Variants in SEC14L2 observed in about 807,000 individuals in gnomAD.
SEC14L2 encodes the protein SEC14-like protein 2.
Under a neutral mutation model 56.9 loss-of-function variants are expected in SEC14L2, and 50 were observed. The observed-to-expected ratio is 0.88, with a 90% CI of 0.70 to 1.11. The LOEUF (loss-of-function observed/expected upper bound fraction) is 1.11, where lower values mean the gene tolerates loss of function less well. Ranked by LOEUF, SEC14L2 falls within the 50% of genes most tolerant of loss-of-function variation. The pLI is 0.00. For missense variants in SEC14L2, 414 were observed against 500.7 expected (o/e 0.83, Z 1.65); for synonymous variants, 179 against 188.5 (o/e 0.95, Z 0.41).
intron 1 of SEC14L2, chr22:30,398,503 G>A (rs867668337): frequency 5.6e-6 from 2 of 356,354 alleles, no homozygotes; most frequent in South Asian, 2.1e-5. Flanking sequence ...GGGCCTGTTC[G>A]CCTACCAGGG....
At chr22:30,398,847 G>A in intron 1 of SEC14L2, 1 of 465,074 alleles carries the variant, frequency 2.2e-6, no homozygotes, top group Non-Finnish European at 4.5e-6. Context: ...CTAATGACTA[G>A]CTGTTTGACC....
Position 30,397,113 on chromosome 22 carries a change from C to T in SEC14L2, c.-4C>T, listed in dbSNP as rs1933771637. ...CCAAACCCCATCCCCGCGGTTGAGC[C>T]ACGATGAGCGGCAGAGTCGGCGATC... On this transcript the variant is annotated 5_prime_UTR_variant, in exon 1 of 12. Coordinates refer to ENST00000615189, the MANE Select transcript of SEC14L2 (RefSeq NM_012429.5). 1 of 1,548,398 alleles carries T rather than the reference C, an allele frequency of 6.5e-7. No homozygotes were observed. Among genetic ancestry groups the T allele is most frequent in the African/African-American group, 1.4e-5 (1 of 72,652 alleles).
intron 1 of SEC14L2, 98 bp downstream of exon 1, chr22:30,397,268 C>T (rs575842119): frequency 3.7e-5 from 42 of 1,146,678 alleles, no homozygotes; most frequent in Middle Eastern, 3.0e-4. Context: ...GCCGAGGGTC[C>T]GTGGCGGGCG....
chr22:30,407,685 A>G, intron 5 of SEC14L2, 82 bp downstream of exon 5: 1 of 1,338,484 alleles, frequency 7.5e-7, no homozygotes, highest in Admixed American at 2.0e-5. Context: ...ACAGGAATAT[A>G]AGCACAGCTT....
chr22:30,406,971 T>C, intron 3 of SEC14L2, 124 bp from the exon 4 acceptor site: 1 of 840,210 alleles, frequency 1.2e-6, no homozygotes, highest in Non-Finnish European at 1.9e-6. Flanking sequence ...AGGCTGGTCT[T>C]GAACTCCTGG....
At chr22:30,411,518 G>A (rs2146028523) in intron 8 of SEC14L2, among the ~76,000 whole-genome samples, 1 of 152,112 alleles carries the variant, frequency 6.6e-6, no homozygotes, top group African/African-American at 2.4e-5. Flanking sequence ...GGCCGAGGTA[G>A]GCGGATCGCT....
intron 1 of SEC14L2, chr22:30,397,757 C>A (rs1316553184): frequency 1.4e-5 from 6 of 433,842 alleles, no homozygotes; most frequent in South Asian, 9.9e-5. Context: ...AGGCTCCCCC[C>A]ATGAGGCACT....
In SEC14L2 at chr22:30,399,707, G is replaced by A. The variant is rs766188495; in HGVS notation, c.119G>A (p.Arg40His). 17 of 1,613,452 alleles carry A rather than the reference G, an allele frequency of 1.1e-5. No homozygotes were observed. Among genetic ancestry groups the A allele is most frequent in the East Asian group, 4.5e-5 (2 of 44,872 alleles). The change falls in exon 2 of 12, where the codon CGT (arginine) becomes CAT (histidine). Residue 40 changes from arginine (R) to histidine (H), a missense_variant. By Grantham distance (29) the Arg-to-His change is conservative (BLOSUM62 0). Transcript: ENST00000615189. ...LPNPDDYFLLRWLRARSFDLQ... is the reference protein window; with the variant it reads ...LPNPDDYFLLHWLRARSFDLQ... ...AATCCAGATGACTATTTTCTCCTGC[G>A]TTGGCTCCGAGGTGAGGGAAGAGGG...
chr22:30,408,584 C>T (rs945452892), intron 5 of SEC14L2, among the ~76,000 whole-genome samples: 3 of 151,222 alleles, frequency 2.0e-5, no homozygotes, highest in African/African-American at 7.3e-5. Flanking sequence ...GACCCTGCGC[C>T]AAAAAAAATA....
At position 30,424,580 on chromosome 22, in the gene SEC14L2, A is replaced by C. The variant is rs1934617880; in HGVS notation, c.*2173A>C. On this transcript the variant is annotated 3_prime_UTR_variant, in exon 12 of 12. Transcript: ENST00000615189. Reference sequence around the variant, plus strand: ...ACTATTACACTTTGGGTTGTTGCAAAGATTAAAGGAAATAAGCCGTGCAAA... The same window carrying C: ...ACTATTACACTTTGGGTTGTTGCAACGATTAAAGGAAATAAGCCGTGCAAA... The C allele has an allele frequency of 2.6e-6, 1 of 381,944 alleles. No individual in the cohort carries two copies. The highest frequency in any genetic ancestry group is 5.2e-6 in the Non-Finnish European group (1 of 193,516). The allele number at this position is 381,944 out of a possible 1,614,324, so 23.7% of individuals were successfully genotyped here.
chr22:30,411,486 C>T (rs1276654336), intron 8 of SEC14L2, among the ~76,000 whole-genome samples: 5 of 152,048 alleles, frequency 3.3e-5, no homozygotes, highest in African/African-American at 1.2e-4. Context: ...TGGCTCATGC[C>T]TGTAATCCCA....
In SEC14L2 at chr22:30,422,466, T is replaced by G; in HGVS notation, c.*59T>G. On this transcript the variant is annotated 3_prime_UTR_variant, in exon 12 of 12. Transcript: ENST00000615189. The stretch of plus-strand genomic sequence containing the variant: ...TGTCTCCCTGTCAATTTCTACCCCT[T>G]GTAGCAGTCATTTTCGCACAACCCT... 6.2e-7 allele frequency: 1 copy of G among 1,601,828 alleles called. No homozygotes were observed. Among genetic ancestry groups the G allele is most frequent in the Non-Finnish European group, 8.5e-7 (1 of 1,173,682 alleles).
At chr22:30,407,358 G>T in intron 4 of SEC14L2, 57 bp from the exon 5 acceptor site, 2 of 1,580,296 alleles carry the variant, frequency 1.3e-6, no homozygotes, top group Non-Finnish European at 1.7e-6. Flanking sequence ...AGGCCCTGTG[G>T]TCCAGGCAAG....
At position 30,406,308 on chromosome 22, in the gene SEC14L2, C is replaced by A. The variant is rs200574809; in HGVS notation, c.131-34C>A. 2.5e-6 allele frequency: 4 copies of A among 1,613,056 alleles called. No individual in the cohort carries two copies. In the East Asian group the frequency reaches 6.7e-5, roughly 27 times the overall value. On this transcript the variant is annotated intron_variant, in intron 2 of 11. Transcript: ENST00000615189. The stretch of plus-strand genomic sequence containing the variant: ...ATCCTTGGACACCCAGTCCTGCTAA[C>A]CTAACCCTGACCAGAACTGTTTCCC...
intron 5 of SEC14L2, among the ~76,000 whole-genome samples, chr22:30,408,164 C>A (rs1934150918): frequency 1.3e-5 from 2 of 151,468 alleles, no homozygotes; most frequent in Non-Finnish European, 2.9e-5. Flanking sequence ...AAAAAACTCA[C>A]TACATTATTG....
At chr22:30,412,755 C>T (rs1372107910) in intron 8 of SEC14L2, among the ~76,000 whole-genome samples, 4 of 148,612 alleles carry the variant, frequency 2.7e-5, no homozygotes, top group Admixed American at 1.4e-4. Context: ...CCCAGGAGTT[C>T]GAGGCTGTGG....
intron 2 of SEC14L2, among the ~76,000 whole-genome samples, chr22:30,404,030 G>GAAAAAAAAAAA (rs5844905): frequency 1.1e-5 from 1 of 87,616 alleles, no homozygotes; most frequent in Non-Finnish European, 2.0e-5. Flanking sequence ...AAAAAAAAAA[G>GAAAAAAAAAAA]AAAAAAAAAA....
chr22:30,397,383 C>T (rs1185572302), intron 1 of SEC14L2, among the ~76,000 whole-genome samples: 1 of 152,260 alleles, frequency 6.6e-6, no homozygotes, highest in African/African-American at 2.4e-5. Flanking sequence ...CACCCCCCGC[C>T]CAAGCTCTGA....
chr22:30,407,264 A>G, intron 4 of SEC14L2, 110 bp downstream of exon 4: 1 of 1,462,578 alleles, frequency 6.8e-7, no homozygotes, highest in Non-Finnish European at 9.5e-7. Context: ...GACAATGCCC[A>G]CTGAGCCCTG....
Sources: allele counts gnomAD v4.1 joint callset (sites outside exome capture counted in the v4.1 genomes callset), GRCh38; gene constraint gnomAD v4.1.1; transcripts MANE v1.5; gene names NCBI Gene and HGNC (gene_info 2026-07-23, HGNC 2026-07-21).